EIF4A3: variants seen among roughly 807,000 people sequenced by gnomAD.
EIF4A3 encodes eukaryotic initiation factor 4A-III.
A neutral mutation model predicts 55.6 loss-of-function variants in EIF4A3; 1 was observed. The observed-to-expected ratio is 0.02, with a 90% CI of 0.01 to 0.09. EIF4A3 has a LOEUF of 0.09. Among genes scored for constraint, EIF4A3 ranks in the 10% least tolerant of loss-of-function variants. The probability of loss-of-function intolerance (pLI) is 1.00; values close to 1 mark genes in which losing one functional copy is unlikely to be tolerated. For missense variants in EIF4A3, 221 were observed against 540.7 expected, an observed-to-expected ratio of 0.41 and a Z score of 5.86; for synonymous variants, 194 against 196.3, an observed-to-expected ratio of 0.99 and a Z score of 0.10.
chr17:80,136,376 T>C (rs1443328641), intron 9 of EIF4A3, 41 bp from the exon 10 acceptor site: 4 of 1,528,170 alleles, frequency 2.6e-6, no homozygotes, highest in Admixed American at 3.6e-5. Flanking sequence ...AAATTACTCA[T>C]ACAAGTGTAA....
At chr17:80,139,351 G>C in intron 6 of EIF4A3, 189 bp from the exon 7 acceptor site, 1 of 741,442 alleles carries the variant, frequency 1.3e-6, no homozygotes, top group Admixed American at 3.1e-5. Flanking sequence ...GCCCACCGGA[G>C]TGTTATCTGG....
At chr17:80,142,029 A>G (rs2039622837) in intron 2 of EIF4A3, among the ~76,000 whole-genome samples, 181 bp from the exon 3 acceptor site, 1 of 152,230 alleles carries the variant, frequency 6.6e-6, no homozygotes, top group Admixed American at 6.5e-5. Flanking sequence ...TTAAGTGTCC[A>G]TGAAGAAAGA....
chr17:80,135,149 CAAAA>C lies in EIF4A3; in HGVS notation c.*337_*340del. 7.5e-6 allele frequency: 1 copy of C among 132,774 alleles called. No individual in the cohort carries two copies. The highest frequency in any genetic ancestry group is 1.4e-5 in the Non-Finnish European group (1 of 70,364). The allele number at this position is 132,774 out of a possible 1,614,324, so 8.2% of individuals were successfully genotyped here. On this transcript the variant is annotated 3_prime_UTR_variant, in exon 12 of 12. Coordinates refer to ENST00000649764, the MANE Select transcript of EIF4A3 (RefSeq NM_014740.4). The stretch of plus-strand genomic sequence containing the variant: ...CCTGGGCAACAGAGGGAGACTGTCT[CAAAA>C]AAAAAAAAGAAAAAGAAAAGAAAAA...
rs1416309645 is a variant in EIF4A3, at chr17:80,146,987, G to A, written c.-26C>T. On this transcript the variant is annotated 5_prime_UTR_variant, in exon 1 of 12. Coordinates refer to ENST00000649764, the MANE Select transcript of EIF4A3 (RefSeq NM_014740.4). ...GATTCAGAGTCCGCGGAAGAGCACAGCGCGCGCCGCTGCCGACCTCGCTGC... is the reference window on the plus strand; with the variant it reads ...GATTCAGAGTCCGCGGAAGAGCACAACGCGCGCCGCTGCCGACCTCGCTGC... The A allele has an allele frequency of 6.4e-7, 1 of 1,562,808 alleles. No homozygotes were observed. The highest frequency in any genetic ancestry group is 8.6e-7 in the Non-Finnish European group (1 of 1,159,904).
chr17:80,141,875 A>G, intron 2 of EIF4A3, 27 bp from the exon 3 acceptor site: 1 of 1,609,026 alleles, frequency 6.2e-7, no homozygotes, highest in African/African-American at 1.3e-5. Context: ...AAGCAGTGGG[A>G]TTAGAGGGAG....
At chr17:80,144,730 C>T (rs950666380) in intron 1 of EIF4A3, among the ~76,000 whole-genome samples, 1 of 152,132 alleles carries the variant, frequency 6.6e-6, no homozygotes, top group Admixed American at 6.5e-5. Context: ...CTCCTACTAG[C>T]TAGCATTAAG....
At chr17:80,139,939 T>C in intron 5 of EIF4A3, 69 bp downstream of exon 5, 1 of 1,580,160 alleles carries the variant, frequency 6.3e-7, no homozygotes, top group Non-Finnish European at 8.6e-7. Flanking sequence ...TCGAAAGCTG[T>C]CCTGTACCAT....
chr17:80,136,374 C>A (rs1013075176), intron 9 of EIF4A3, 39 bp from the exon 10 acceptor site: 4 of 1,536,726 alleles, frequency 2.6e-6, no homozygotes, highest in Non-Finnish European at 3.6e-6. Flanking sequence ...TTAAATTACT[C>A]ATACAAGTGT....
intron 2 of EIF4A3, 108 bp downstream of exon 2, chr17:80,144,064 G>C: frequency 1.9e-6 from 2 of 1,036,694 alleles, no homozygotes; most frequent in Non-Finnish European, 3.0e-6. Context: ...GGAAAGTGTT[G>C]GAACTGAGCG....
chr17:80,139,247 TTA>T, intron 6 of EIF4A3, 85 bp from the exon 7 acceptor site: 1 of 1,537,546 alleles, frequency 6.5e-7, no homozygotes, highest in Non-Finnish European at 8.9e-7. Flanking sequence ...TCCCACTGGG[TTA>T]GAGGCAGAGT....
intron 4 of EIF4A3, 189 bp from the exon 5 acceptor site, chr17:80,140,329 T>G: frequency 1.4e-6 from 1 of 693,328 alleles, no homozygotes; most frequent in Non-Finnish European, 2.1e-6. Flanking sequence ...TTTTTTTTTT[T>G]TTGAGACGGA....
chr17:80,140,324 T>C, intron 4 of EIF4A3, 184 bp from the exon 5 acceptor site: 1 of 843,768 alleles, frequency 1.2e-6, no homozygotes, highest in Non-Finnish European at 1.7e-6. Context: ...TTTTTTTTTT[T>C]TTTTTTTGAG....
At chr17:80,136,546 G>T (rs117136018) in intron 9 of EIF4A3, 2 of 557,672 alleles carry the variant, frequency 3.6e-6, no homozygotes, top group Non-Finnish European at 6.3e-6. Flanking sequence ...TAGTTACTTC[G>T]GTCATGTGCT....
intron 1 of EIF4A3, 115 bp downstream of exon 1, chr17:80,146,678 C>A (rs1326453492): frequency 1.5e-6 from 2 of 1,314,988 alleles, no homozygotes; most frequent in Admixed American, 2.7e-5. Context: ...GAGCCTCGAC[C>A]CTGACCACGA....
chr17:80,141,215 G>A (rs1439157673), intron 4 of EIF4A3, 104 bp downstream of exon 4: 32 of 1,201,600 alleles, frequency 2.7e-5, no homozygotes, highest in South Asian at 1.1e-4. Context: ...AAATTTTGAG[G>A]TATCAGAAAA....
rs1270714915 is a variant in EIF4A3 at position 80,136,254 on chromosome 17, A to T, written c.1065T>A (p.Pro355=). The T allele has an allele frequency of 6.2e-7, 1 of 1,614,134 alleles. No individual in the cohort carries two copies. Among genetic ancestry groups the T allele is most frequent in the East Asian group, 2.2e-5 (1 of 44,892 alleles). The change falls in exon 10 of 12, where the codon CCT becomes CCA. Residue 355 remains proline, a synonymous_variant. Transcript: ENST00000649764. ...QVSLIINYDL[P]NNRELYIHRI... is the part of the protein sequence containing the mutation. ...TGTGTATGTACAATTCTCTGTTATT[A>T]GGGAGATCATAGTTAATGATGAGGG...
Position 80,138,287 on chromosome 17 carries a change from G to A in EIF4A3, c.729-7C>T, listed in dbSNP as rs760244728. 18 of 1,613,324 alleles carry A rather than the reference G, an allele frequency of 1.1e-5. No individual in the cohort carries two copies. The highest frequency in any genetic ancestry group is 2.2e-5 in the East Asian group (1 of 44,890). ...TTCCAGAGTCAATTCATCACTGAAGGACAAAGACAAATCCTGTTACATACT... is the reference window on the plus strand; with the variant it reads ...TTCCAGAGTCAATTCATCACTGAAGAACAAAGACAAATCCTGTTACATACT... On this transcript the variant is annotated splice_polypyrimidine_tract_variant and splice_region_variant and intron_variant, in intron 7 of 11. Coordinates refer to ENST00000649764, the MANE Select transcript of EIF4A3 (RefSeq NM_014740.4).
intron 9 of EIF4A3, 153 bp downstream of exon 9, chr17:80,137,224 CTCCTTAACT>C (rs2039578287): frequency 3.5e-6 from 2 of 577,416 alleles, no homozygotes; most frequent in Admixed American, 3.5e-5. Flanking sequence ...CAGCGGACCC[CTCCTTAACT>C]GGAAGGTTTT....
At chr17:80,144,120 T>A in intron 2 of EIF4A3, 52 bp downstream of exon 2, 1 of 1,571,666 alleles carries the variant, frequency 6.4e-7, no homozygotes, top group Non-Finnish European at 8.8e-7. Flanking sequence ...CTAACTGCAC[T>A]GCGCTGCCCA....
Sources: gnomAD v4.1 joint callset for allele counts (sites outside exome capture counted in the v4.1 genomes callset) on GRCh38, gnomAD v4.1.1 for gene constraint, MANE v1.5 for transcripts, NCBI Gene and HGNC (gene_info 2026-07-23, HGNC 2026-07-21) for gene names.